The following PXDNL variants were observed in gnomAD, a reference collection of about 807,000 sequenced individuals.
The protein encoded by PXDNL is peroxidasin like.
A neutral mutation model predicts 150.8 loss-of-function variants in PXDNL; 145 were observed. The observed-to-expected ratio is 0.96, with a 90% confidence interval of 0.84 to 1.10. PXDNL has a LOEUF of 1.10. Among genes scored for constraint, PXDNL ranks in the 50% least tolerant of loss-of-function variants. The probability of loss-of-function intolerance (pLI) is 0.00; values close to 1 mark genes in which losing one functional copy is unlikely to be tolerated. For missense variants in PXDNL, 2,087 were observed against 1,873.9 expected (o/e 1.11, Z -2.10); for synonymous variants, 757 against 725.7 (o/e 1.04, Z -0.69).
chr8:51,576,957 A>G (rs1813068180), intron 3 of PXDNL, among the ~76,000 whole-genome samples: 1 of 151,992 alleles, frequency 6.6e-6, no homozygotes, highest in South Asian at 2.1e-4. Flanking sequence ...TGTGAAAGAG[A>G]TAATGTGAAT....
chr8:51,348,670 G>A (rs1219176670), intron 19 of PXDNL, among the ~76,000 whole-genome samples: 1 of 152,076 alleles, frequency 6.6e-6, no homozygotes. Flanking sequence ...CTATGTGCAT[G>A]TGTATATATA....
intron 2 of PXDNL, among the ~76,000 whole-genome samples, chr8:51,608,054 A>AAAGAAAGAAAGCAAGCAAGC (rs1554557536): frequency 1.5e-4 from 17 of 111,694 alleles, no homozygotes; most frequent in Non-Finnish European, 2.7e-4. Context: ...AGAAAGAAAG[A>AAAGAAAGAAAGCAAGCAAGC]AAGCAAGCAA....
intron 1 of PXDNL, among the ~76,000 whole-genome samples, chr8:51,783,360 G>A (rs373171931): frequency 4.9e-4 from 74 of 152,338 alleles, no homozygotes; most frequent in African/African-American, 1.4e-3. Flanking sequence ...CGAATAACAC[G>A]TAATGCCTTC....
At chr8:51,362,844 G>T (rs1015837551) in intron 19 of PXDNL, among the ~76,000 whole-genome samples, 24 of 152,222 alleles carry the variant, frequency 1.6e-4, no homozygotes, top group Admixed American at 1.3e-3. Flanking sequence ...TACTATATAT[G>T]TTAAGTGTAT....
intron 1 of PXDNL, among the ~76,000 whole-genome samples, chr8:51,774,935 C>T (rs1238334017): frequency 6.6e-6 from 1 of 152,164 alleles, no homozygotes; most frequent in East Asian, 1.9e-4. Context: ...TCCTCAGATA[C>T]ATGATACATT....
At chr8:51,780,452 G>C (rs569833297) in intron 1 of PXDNL, among the ~76,000 whole-genome samples, 1 of 152,142 alleles carries the variant, frequency 6.6e-6, no homozygotes, top group East Asian at 1.9e-4. Context: ...ACTGTTCTAG[G>C]AGACAGTGCG....
At chr8:51,719,965 A>G (rs1451493700) in intron 1 of PXDNL, among the ~76,000 whole-genome samples, 1 of 152,096 alleles carries the variant, frequency 6.6e-6, no homozygotes, top group Non-Finnish European at 1.5e-5. Context: ...AACCAAATAC[A>G]AGCAGAGCCA....
At chr8:51,437,173 C>A (rs761907259) in intron 12 of PXDNL, among the ~76,000 whole-genome samples, 2 of 152,082 alleles carry the variant, frequency 1.3e-5, no homozygotes, top group African/African-American at 2.4e-5. Flanking sequence ...TCTGAACAGA[C>A]CAACAGTAAG....
At chr8:51,595,148 T>C (rs1327467729) in intron 2 of PXDNL, among the ~76,000 whole-genome samples, 1 of 152,134 alleles carries the variant, frequency 6.6e-6, no homozygotes, top group Non-Finnish European at 1.5e-5. Context: ...ATGATCAAAC[T>C]TTTGGGGTAA....
chr8:51,334,912 A>G (rs766788), intron 21 of PXDNL, among the ~76,000 whole-genome samples: 33,919 of 152,060 alleles, frequency 0.22, 3,872 homozygotes, highest in Middle Eastern at 0.29. Flanking sequence ...GCCACACTGA[A>G]CATCAATCTG....
intron 6 of PXDNL, among the ~76,000 whole-genome samples, chr8:51,475,496 G>T (rs1463458108): frequency 6.6e-6 from 1 of 152,138 alleles, no homozygotes; most frequent in African/African-American, 2.4e-5. Flanking sequence ...AGGTGCAGTA[G>T]CTCATGCCTG....
chr8:51,577,611 A>T lies in PXDNL; in HGVS notation c.308+15016T>A, dbSNP rs75873113. Among the ~76,000 whole-genome samples the T allele has an allele frequency of 1.9e-3, 252 of 135,346 alleles. 2 individuals carry two copies. The East Asian group carries it at 0.023, about 13-fold the overall frequency. 88.8% of individuals were successfully genotyped at this position (135,346 alleles called of 152,430 possible). ...CTATCTACATATATATATATATATA[A>T]TCAGGCTAAAAAAGAAGTTATATAG... On this transcript the variant is annotated intron_variant, in intron 3 of 22. Transcript: ENST00000356297.
intron 2 of PXDNL, among the ~76,000 whole-genome samples, chr8:51,614,395 C>A (rs952457525): frequency 6.6e-6 from 1 of 152,184 alleles, no homozygotes; most frequent in Non-Finnish European, 1.5e-5. Context: ...TGCAGGTGGC[C>A]AACTGTTCAA....
intron 3 of PXDNL, among the ~76,000 whole-genome samples, chr8:51,588,991 A>T (rs1417058744): frequency 6.6e-6 from 1 of 152,218 alleles, no homozygotes; most frequent in African/African-American, 2.4e-5. Context: ...GACCTTTAAG[A>T]GGTGATTAGG....
At chr8:51,415,651 A>T (rs1278532522) in intron 14 of PXDNL, among the ~76,000 whole-genome samples, 1 of 152,240 alleles carries the variant, frequency 6.6e-6, no homozygotes, top group Admixed American at 6.5e-5. Context: ...TGGATGTTCA[A>T]CGTGGAATGT....
intron 4 of PXDNL, among the ~76,000 whole-genome samples, chr8:51,525,632 C>G (rs1034676636): frequency 4.6e-5 from 7 of 152,168 alleles, no homozygotes; most frequent in Non-Finnish European, 1.0e-4. Flanking sequence ...TGTGGTGAGT[C>G]TGATGCTATA....
intron 19 of PXDNL, among the ~76,000 whole-genome samples, chr8:51,370,249 G>A (rs1807060433): frequency 6.6e-6 from 1 of 152,228 alleles, no homozygotes; most frequent in Non-Finnish European, 1.5e-5. Context: ...GTATGTGTCA[G>A]TATGGGCACG....
At position 51,808,889 on chromosome 8, in the gene PXDNL, T is replaced by C. The variant is rs1293287066; in HGVS notation, c.164+292A>G. Among the ~76,000 whole-genome samples, 4 of 152,150 alleles carry C rather than the reference T, an allele frequency of 2.6e-5. No homozygotes were observed. In the East Asian group the frequency reaches 5.8e-4, roughly 22 times the overall value. Reference sequence around the variant, plus strand: ...TGAATAGGAATAAATTGAGAAAGTATGCAGGAAAATTATTGAAGGAAGAAT... The same window carrying C: ...TGAATAGGAATAAATTGAGAAAGTACGCAGGAAAATTATTGAAGGAAGAAT... On this transcript the variant is annotated intron_variant, in intron 1 of 22. Coordinates refer to ENST00000356297, the MANE Select transcript of PXDNL (RefSeq NM_144651.5).
intron 3 of PXDNL, among the ~76,000 whole-genome samples, chr8:51,587,448 G>A (rs779725819): frequency 6.6e-6 from 1 of 151,966 alleles, no homozygotes; most frequent in Non-Finnish European, 1.5e-5. Flanking sequence ...TTGCCCAAGG[G>A]GATCAGAGAT....
Sources: gnomAD v4.1 joint callset for allele counts (sites outside exome capture counted in the v4.1 genomes callset) on GRCh38, gnomAD v4.1.1 for gene constraint, MANE v1.5 for transcripts, NCBI Gene and HGNC (gene_info 2026-07-23, HGNC 2026-07-21) for gene names.